Variants in TVP23A observed in about 807,000 individuals in gnomAD.
TVP23A encodes the protein trans-golgi network vesicle protein 23 homolog A.
TVP23A carries 21 observed loss-of-function variants against 31.7 expected under a neutral mutation model. That is an observed-to-expected ratio of 0.66 (90% CI 0.47 to 0.95). The LOEUF is 0.95. Ranked by LOEUF, TVP23A falls within the 40% of genes least tolerant of loss-of-function variation. The probability of loss-of-function intolerance (pLI) is 0.00; values close to 1 mark genes in which losing one functional copy is unlikely to be tolerated. For synonymous variants in TVP23A, 104 were observed against 96.0 expected (o/e 1.08, Z -0.49); for missense variants, 279 against 255.6 (o/e 1.09, Z -0.62).
intron 2 of TVP23A, among the ~76,000 whole-genome samples, chr16:10,810,827 C>G (rs1240559229): frequency 6.6e-6 from 1 of 152,162 alleles, no homozygotes; most frequent in African/African-American, 2.4e-5. Flanking sequence ...TCCCCTGGTT[C>G]CCAGGCCTTC....
At chr16:10,809,357 C>T (rs188438606) in intron 2 of TVP23A, among the ~76,000 whole-genome samples, 6 of 152,338 alleles carry the variant, frequency 3.9e-5, no homozygotes, top group Admixed American at 2.0e-4. Flanking sequence ...AGCACAGAGG[C>T]TCCACGAGGA....
In TVP23A at chr16:10,803,268, T is replaced by TGTGTGTGTGTGTGTGTGTGTGTGC. The variant is rs1555485950; in HGVS notation, c.89+14834_89+14835insGCACACACACACACACACACACAC. ...CACTGTGTGTGTGTGTGTGTGTGTG[T>TGTGTGTGTGTGTGTGTGTGTGTGC]GTGTGTGTGTGTGTGTGTCAGAGTC... On this transcript the variant is annotated intron_variant, in intron 2 of 7. Transcript: ENST00000299866. Among the ~76,000 whole-genome samples the TGTGTGTGTGTGTGTGTGTGTGTGC allele has an allele frequency of 2.2e-3, 329 of 151,414 alleles. 3 individuals are homozygous for TGTGTGTGTGTGTGTGTGTGTGTGC. Among genetic ancestry groups the TGTGTGTGTGTGTGTGTGTGTGTGC allele is most frequent in the East Asian group, 0.02 (102 of 5,038 alleles).
At chr16:10,795,610 C>T (rs1433445880) in intron 2 of TVP23A, among the ~76,000 whole-genome samples, 1 of 152,124 alleles carries the variant, frequency 6.6e-6, no homozygotes, top group African/African-American at 2.4e-5. Context: ...GGGGACCGAA[C>T]TCATTACTTT....
rs898496682 is a variant in TVP23A, at chr16:10,777,611, C to A, written c.90-2515G>T. On this transcript the variant is annotated intron_variant, in intron 2 of 7. Transcript: ENST00000299866. This position sits in a 1 kb window ranked among gnomAD's most constrained non-coding sequence, Gnocchi z 4.5. ...ACAGTGACTTTTTTGCGTAGCAAAG[C>A]ACCAACTATTCACCAGGATGGGTCT... is the stretch of plus-strand genomic sequence containing the variant. Among the ~76,000 whole-genome samples, 1 of 152,232 alleles carries A rather than the reference C, an allele frequency of 6.6e-6. No homozygotes were observed. Among genetic ancestry groups the A allele is most frequent in the Admixed American group, 6.5e-5 (1 of 15,280 alleles).
At chr16:10,775,196 C>T in intron 2 of TVP23A, 100 bp from the exon 3 acceptor site, 1 of 1,492,168 alleles carries the variant, frequency 6.7e-7, no homozygotes, top group Non-Finnish European at 8.9e-7. Flanking sequence ...GTTAGCGTGG[C>T]TCAATGGAAT....
At position 10,773,439 on chromosome 16, in the gene TVP23A, G is replaced by T. The variant is rs779424483; in HGVS notation, c.327C>A (p.Val109=). ...KSHWIFEARK[V]SPNSIAATEA... ...CTGTGGCAGCAATGCTATTCGGAGA[G>T]ACCTGTTAAAGGAAAGTAATTCAAA... is the stretch of plus-strand genomic sequence containing the variant. The change falls in exon 5 of 8, where the codon GTC becomes GTA. Residue 109 remains valine, a splice_region_variant and synonymous_variant. Transcript: ENST00000299866. The T allele has an allele frequency of 1.6e-5, 25 of 1,593,454 alleles. No individual in the cohort carries two copies. The East Asian group carries it at 5.4e-4, about 34-fold the overall frequency.
At position 10,771,809 on chromosome 16, in the gene TVP23A, AC is replaced by A; in HGVS notation, c.454-12del. 6.4e-7 allele frequency: 1 copy of A among 1,560,210 alleles called. No individual in the cohort carries two copies. The highest frequency in any genetic ancestry group is 2.4e-5 in the East Asian group (1 of 41,614). On this transcript the variant is annotated splice_polypyrimidine_tract_variant and intron_variant, in intron 5 of 7. Transcript: ENST00000299866. ...AGCAACCACCAGAGCCTGCACTCAG[AC>A]AAAGAAAGCAAAGGTCACTTTTTTT... is the stretch of plus-strand genomic sequence containing the variant.
chr16:10,759,862 T>C (rs114278799), downstream of TVP23A, among the ~76,000 whole-genome samples: 1,586 of 152,298 alleles, frequency 0.01, 16 homozygotes, highest in African/African-American at 0.026. This position sits in a 1 kb window ranked among gnomAD's most constrained non-coding sequence, Gnocchi z 4.7. Context: ...CCAGCCTCAG[T>C]GTCAAGAGCC....
Position 10,818,526 on chromosome 16 carries a change from C to T in TVP23A, c.-33G>A. 1 of 1,598,938 alleles carries T rather than the reference C, an allele frequency of 6.3e-7. No homozygotes were observed. The stretch of plus-strand genomic sequence containing the variant: ...CCAGGAGCCCACCTGGCGCCCAGGC[C>T]CGGGGCTCCAGCTCCGCCCGTCGCC... On this transcript the variant is annotated 5_prime_UTR_variant, in exon 1 of 8. Transcript: ENST00000299866. The surrounding 1 kb of genome is among the most constrained non-coding windows in gnomAD (Gnocchi z 4.7).
chr16:10,816,101 C>T (rs1464402973), intron 2 of TVP23A, among the ~76,000 whole-genome samples: 1 of 152,002 alleles, frequency 6.6e-6, no homozygotes, highest in Admixed American at 6.6e-5. Context: ...GGTGGCAACA[C>T]CTATAGTCCT....
intron 2 of TVP23A, among the ~76,000 whole-genome samples, chr16:10,801,595 T>C (rs1474509952): frequency 1.3e-5 from 2 of 152,122 alleles, no homozygotes; most frequent in African/African-American, 4.8e-5. Flanking sequence ...TAGCTGGGAT[T>C]AGAAGCACAT....
intron 2 of TVP23A, 116 bp from the exon 3 acceptor site, chr16:10,775,212 C>T: frequency 6.8e-7 from 1 of 1,473,126 alleles, no homozygotes; most frequent in South Asian, 1.4e-5. Context: ...GGAATGTTCT[C>T]CCCGGTGCAT....
At chr16:10,783,292 G>A (rs891375496) in intron 2 of TVP23A, among the ~76,000 whole-genome samples, 12 of 152,174 alleles carry the variant, frequency 7.9e-5, no homozygotes, top group South Asian at 2.1e-4. Context: ...TTACCGAAGT[G>A]AGCTGAAAAC....
chr16:10,772,294 G>A (rs1450329776), intron 5 of TVP23A, among the ~76,000 whole-genome samples: 2 of 152,162 alleles, frequency 1.3e-5, no homozygotes, highest in Non-Finnish European at 2.9e-5. Flanking sequence ...TGGTCGAGCC[G>A]GGATCCAAAT....
intron 2 of TVP23A, among the ~76,000 whole-genome samples, chr16:10,795,096 A>G (rs969929196): frequency 6.6e-6 from 1 of 152,116 alleles, no homozygotes; most frequent in African/African-American, 2.4e-5. Context: ...GCCAGACGCC[A>G]TGAGAGTCAG....
chr16:10,763,336 C>T (rs1264666301), downstream of TVP23A, among the ~76,000 whole-genome samples: 1 of 151,902 alleles, frequency 6.6e-6, no homozygotes, highest in East Asian at 1.9e-4. Context: ...GGGATGGCTG[C>T]CTCGAGGAAG....
At chr16:10,781,850 CTTTTTTT>C (rs144933462) in intron 2 of TVP23A, among the ~76,000 whole-genome samples, 16 of 90,942 alleles carry the variant, frequency 1.8e-4, no homozygotes, top group Non-Finnish European at 2.7e-4. Context: ...CTAACACAAT[CTTTTTTT>C]TTTTTTTTTT....
chr16:10,763,461 A>C (rs2030335707), downstream of TVP23A: 1 of 152,392 alleles, frequency 6.6e-6, no homozygotes, highest in African/African-American at 2.4e-5. Context: ...CCTTATTCCC[A>C]CATCCCACAA....
In TVP23A at chr16:10,768,906, G is replaced by A; in HGVS notation, c.*196C>T. On this transcript the variant is annotated 3_prime_UTR_variant, in exon 8 of 8. Coordinates refer to ENST00000299866, the MANE Select transcript of TVP23A (RefSeq NM_001079512.4). This position sits in a 1 kb window ranked among gnomAD's most constrained non-coding sequence, Gnocchi z 4.3. ...ATTCCGGTCACTTTCAAAGACTCAG[G>A]GCATCACAGACACAGGTCTTTTTAT... is the stretch of plus-strand genomic sequence containing the variant. 2 of 703,044 alleles carry A rather than the reference G, an allele frequency of 2.8e-6. No individual in the cohort carries two copies. Among genetic ancestry groups the A allele is most frequent in the Non-Finnish European group, 5.0e-6 (2 of 401,224 alleles). The allele number at this position is 703,044 out of a possible 1,614,324, so 43.6% of individuals were successfully genotyped here.
Sources: allele counts gnomAD v4.1 joint callset (sites outside exome capture counted in the v4.1 genomes callset), GRCh38; gene constraint gnomAD v4.1.1; non-coding constraint Gnocchi (gnomAD v3.1); transcripts MANE v1.5; gene names NCBI Gene and HGNC (gene_info 2026-07-23, HGNC 2026-07-21).